DNAH12: variants seen among roughly 807,000 people sequenced by gnomAD.
DNAH12 encodes the protein dynein axonemal heavy chain 12.
DNAH12 carries 285 observed loss-of-function variants against 371.5 expected under a neutral mutation model. The ratio of observed to expected loss-of-function variants is 0.77; its 90% CI spans 0.70 to 0.85. DNAH12 has a LOEUF of 0.85. Among genes scored for constraint, DNAH12 ranks in the 40% least tolerant of loss-of-function variants. The probability of loss-of-function intolerance (pLI) is 0.00; values close to 1 mark genes in which losing one functional copy is unlikely to be tolerated. For missense variants in DNAH12, 3,611 were observed against 3,689.4 expected (o/e 0.98, Z 0.55); for synonymous variants, 1,200 against 1,213.0 (o/e 0.99, Z 0.22).
At chr3:57,340,724 T>C (rs1211194440) in intron 60 of DNAH12, among the ~76,000 whole-genome samples, 1 of 152,126 alleles carries the variant, frequency 6.6e-6, no homozygotes, top group Non-Finnish European at 1.5e-5. Context: ...TACCAAACTT[T>C]TAAAGAACTA....
rs112021285 is a variant in DNAH12 at position 57,483,560 on chromosome 3, C to T, written c.1515-49G>A. Reference sequence around the variant, plus strand: ...AGACTTATGGCAATTAATGTTATATCATATTCAATAAATGTGTGTTATGAC... The same window carrying T: ...AGACTTATGGCAATTAATGTTATATTATATTCAATAAATGTGTGTTATGAC... On this transcript the variant is annotated intron_variant, in intron 12 of 73. Coordinates refer to ENST00000495027, the MANE Select transcript of DNAH12 (RefSeq NM_001366028.2). The T allele has an allele frequency of 1.9e-3, 2,836 of 1,482,186 alleles. 29 individuals carry two copies. In the African/African-American group the frequency reaches 0.036, roughly 19 times the overall value. 91.8% of individuals were successfully genotyped at this position (1,482,186 alleles called of 1,614,324 possible).
In DNAH12 at chr3:57,472,656, T is replaced by A; in HGVS notation, c.1666A>T (p.Met556Leu). The change falls in exon 14 of 74, where the codon ATG becomes TTG. Residue 556 changes from methionine (M) to leucine (L), a missense_variant. Transcript: ENST00000495027. ...ILRIQESKRQ[M>L]SYFLDVFLFP... is the part of the protein sequence containing the mutation. ...AGGAAAACATCTAAAAAGTAACTCATTTGGCGTTTAGATTCCTACAAAAGA... is the reference window on the plus strand; with the variant it reads ...AGGAAAACATCTAAAAAGTAACTCAATTGGCGTTTAGATTCCTACAAAAGA... The A allele has an allele frequency of 1.9e-6, 3 of 1,550,372 alleles. No homozygotes were observed. Among genetic ancestry groups the A allele is most frequent in the Non-Finnish European group, 2.6e-6 (3 of 1,146,526 alleles).
At position 57,445,427 on chromosome 3, in the gene DNAH12, A is replaced by T. The variant is rs778276239; in HGVS notation, c.4180-8T>A. Reference sequence around the variant, plus strand: ...CACTGTTCTAAAAAGAACCTGAAGTATAAAATAAATGAAATATATTACGTA... The same window carrying T: ...CACTGTTCTAAAAAGAACCTGAAGTTTAAAATAAATGAAATATATTACGTA... On this transcript the variant is annotated splice_region_variant and splice_polypyrimidine_tract_variant and intron_variant, in intron 27 of 73. Transcript: ENST00000495027. The T allele has an allele frequency of 1.4e-5, 21 of 1,505,444 alleles. No individual in the cohort carries two copies. Among genetic ancestry groups the T allele is most frequent in the Non-Finnish European group, 1.8e-5 (20 of 1,128,612 alleles). 93.3% of individuals were successfully genotyped at this position (1,505,444 alleles called of 1,614,324 possible). A position where few individuals can be genotyped will look rare whatever the true frequency, so the allele number is the denominator to read the frequency against.
At chr3:57,380,740 C>G (rs1173983534) in intron 50 of DNAH12, among the ~76,000 whole-genome samples, 1 of 152,226 alleles carries the variant, frequency 6.6e-6, no homozygotes, top group Non-Finnish European at 1.5e-5. Context: ...GCTGGGATTA[C>G]AGGCGTGAGC....
intron 11 of DNAH12, among the ~76,000 whole-genome samples, chr3:57,496,284 T>G (rs1046253907): frequency 2.0e-5 from 3 of 152,004 alleles, no homozygotes; most frequent in African/African-American, 7.3e-5. Flanking sequence ...ACAGATACTA[T>G]GAGATAATAA....
At chr3:57,317,551 C>A (rs201743915) in intron 65 of DNAH12, among the ~76,000 whole-genome samples, 1 of 152,068 alleles carries the variant, frequency 6.6e-6, no homozygotes, top group African/African-American at 2.4e-5. Context: ...GCAGTATTTT[C>A]TTCTTTTTAA....
chr3:57,467,267 C>A (rs1183604541), intron 17 of DNAH12, among the ~76,000 whole-genome samples: 1 of 152,042 alleles, frequency 6.6e-6, no homozygotes, highest in Non-Finnish European at 1.5e-5. Context: ...TACAGGTATG[C>A]ACCACCATGC....
In DNAH12 at chr3:57,508,502, A is replaced by G; in HGVS notation, c.581T>C (p.Val194Ala). ...DYSNPWHSSY[V>A]QARNQIFSNL... ...AGAGAATATTTGATTTCTTGCCTGC[A>G]CATAGCTAGAATGCCAAGGATTAGA... Residue 194 changes from valine (V) to alanine (A), a missense_variant, in exon 7 of 74, where the codon GTG (valine) becomes GCG (alanine). By Grantham distance (64) the Val-to-Ala change is moderately conservative. This residue lies in a region of DNAH12 where 1,314 missense variants were observed against 1,398.7 expected (regional missense o/e 0.94). Transcript: ENST00000495027. 6.2e-7 allele frequency: 1 copy of G among 1,612,700 alleles called. No homozygotes were observed. The highest frequency in any genetic ancestry group is 8.5e-7 in the Non-Finnish European group (1 of 1,179,726).
At chr3:57,376,918 A>T (rs1457317242) in intron 53 of DNAH12, 63 bp downstream of exon 53, 1 of 152,120 alleles carries the variant, frequency 6.6e-6, no homozygotes, top group Non-Finnish European at 1.5e-5. Flanking sequence ...ATAAATACCC[A>T]AAGAAGGTCA....
At chr3:57,512,644 G>A (rs1269156058) in intron 4 of DNAH12, 1 of 152,318 alleles carries the variant, frequency 6.6e-6, no homozygotes, top group Non-Finnish European at 1.5e-5. Flanking sequence ...CATTGTGGAA[G>A]ACAGTATGGC....
chr3:57,422,012 T>G (rs1461250697), intron 35 of DNAH12, among the ~76,000 whole-genome samples: 1 of 148,442 alleles, frequency 6.7e-6, no homozygotes, highest in Non-Finnish European at 1.5e-5. Flanking sequence ...GTTCAGGTGA[T>G]TCTGGTGTCT....
Position 57,444,804 on chromosome 3 carries a change from T to C in DNAH12, c.4438A>G (p.Ile1480Val). 1 of 1,544,250 alleles carries C rather than the reference T, an allele frequency of 6.5e-7. No individual in the cohort carries two copies. Among genetic ancestry groups the C allele is most frequent in the Non-Finnish European group, 8.7e-7 (1 of 1,144,384 alleles). ...AACTTTGGTTCATTTACATCTTTAA[T>C]TGATCGAAGAAGCTAAAATTACCCA... Reference protein sequence around the residue: ...ENEDILLLRSIKDVNEPKFLS... With the variant: ...ENEDILLLRSVKDVNEPKFLS... The change falls in exon 29 of 74, where the codon ATT becomes GTT. Residue 1480 changes from isoleucine to valine, a missense_variant. Around this residue, in one of 3 missense-constraint regions of DNAH12, gnomAD observed 2,266 missense variants for 2,236.9 expected, o/e 1.01. Transcript: ENST00000495027.
intron 13 of DNAH12, among the ~76,000 whole-genome samples, chr3:57,481,829 C>T (rs1172594734): frequency 1.3e-5 from 2 of 151,756 alleles, no homozygotes; most frequent in Non-Finnish European, 2.9e-5. Context: ...GAAAGGATTC[C>T]CTATTTAATA....
At position 57,314,237 on chromosome 3, in the gene DNAH12, C is replaced by T. The variant is rs1879995; in HGVS notation, c.10662+257G>A. On this transcript the variant is annotated intron_variant, in intron 66 of 73. Transcript: ENST00000495027. ...CTGTGATGTTGCCGAATCAACCAAA[C>T]CCAGAGTGTGTCCTTCTGCACCTCT... Among the ~76,000 whole-genome samples the T allele has an allele frequency of 3.9e-3, 595 of 152,208 alleles. 4 individuals carry two copies. The highest frequency in any genetic ancestry group is 0.014 in the African/African-American group (573 of 41,514).
At chr3:57,312,227 GAT>G (rs966157755) in intron 66 of DNAH12, among the ~76,000 whole-genome samples, 1 of 152,172 alleles carries the variant, frequency 6.6e-6, no homozygotes, top group Non-Finnish European at 1.5e-5. Flanking sequence ...GGCGTCAAGA[GAT>G]ATGAAAGGGG....
chr3:57,358,374 C>T (rs2062846914), intron 58 of DNAH12, among the ~76,000 whole-genome samples: 1 of 152,144 alleles, frequency 6.6e-6, no homozygotes, highest in Admixed American at 6.5e-5. Context: ...TAGAGGGAAG[C>T]ACAGAATGAC....
In DNAH12 at chr3:57,457,949, A is replaced by G. The variant is rs1339747685; in HGVS notation, c.3108T>C (p.Asp1036=). 2.6e-6 allele frequency: 4 copies of G among 1,551,576 alleles called. No homozygotes were observed. The African/African-American group carries it at 5.5e-5, about 21-fold the overall frequency. The change falls in exon 22 of 74, where the codon GAT becomes GAC. Residue 1036 remains aspartate (D), a synonymous_variant. Coordinates refer to ENST00000495027, the MANE Select transcript of DNAH12 (RefSeq NM_001366028.2). ...EMLEILSETK[D]PLRVQPHLKK... ...TTAAATGTGGCTGAACTCTAAGTGG[A>G]TCTTTGGTCTCTGATAAAATCTCTA...
chr3:57,421,817 G>C, intron 35 of DNAH12, 111 bp from the exon 36 acceptor site: 1 of 1,184,242 alleles, frequency 8.4e-7, no homozygotes, highest in Admixed American at 2.1e-5. Context: ...CTTGAACAAG[G>C]TCGTAAGTGT....
Position 57,296,878 on chromosome 3 carries a change from G to T in DNAH12, c.11501C>A (p.Thr3834Asn). ...TTCATATCCTAGCAAATCAATAGGG[G>T]TGGTATATTTTCTGGCATAATTCTG... is the stretch of plus-strand genomic sequence containing the variant. ...AMQNYARKYT[T>N]PIDLLGYEFE... is the part of the protein sequence containing the mutation. The change falls in exon 71 of 74, where the codon ACC becomes AAC. Residue 3834 changes from threonine (T) to asparagine (N), a missense_variant. Physicochemically the swap from Thr to Asn is moderately conservative, Grantham distance 65 (BLOSUM62 0). Transcript: ENST00000495027. 1 of 1,551,614 alleles carries T rather than the reference G, an allele frequency of 6.4e-7. No homozygotes were observed. Among genetic ancestry groups the T allele is most frequent in the Non-Finnish European group, 8.7e-7 (1 of 1,146,982 alleles).
Sources: allele counts gnomAD v4.1 joint callset (sites outside exome capture counted in the v4.1 genomes callset), GRCh38; gene constraint gnomAD v4.1.1; regional missense constraint gnomAD v4.1.1; transcripts MANE v1.5; gene names NCBI Gene and HGNC (gene_info 2026-07-23, HGNC 2026-07-21).